The following TMOD2 variants were observed in gnomAD, a reference collection of about 807,000 sequenced individuals.
The protein encoded by TMOD2 is tropomodulin 2.
Under a neutral mutation model 39.9 loss-of-function variants are expected in TMOD2, and 22 were observed. The ratio of observed to expected loss-of-function variants is 0.55; its 90% CI spans 0.39 to 0.79. TMOD2 has a LOEUF of 0.79. Ranked by LOEUF, TMOD2 falls within the 30% of genes least tolerant of loss-of-function variation. The pLI is 0.00. For missense variants in TMOD2, 386 were observed against 413.3 expected (o/e 0.93, Z 0.57); for synonymous variants, 123 against 146.1 (o/e 0.84, Z 1.14).
rs970939722 is a variant in TMOD2, at chr15:51,808,706, C to T, written c.*252C>T. ...GACCGATGCAGATTTTAGAGAGTGA[C>T]GACATGGAAAATGAATTTAACCACT... On this transcript the variant is annotated 3_prime_UTR_variant, in exon 10 of 10. Transcript: ENST00000249700. 14 of 347,990 alleles carry T rather than the reference C, an allele frequency of 4.0e-5. No homozygotes were observed. Among genetic ancestry groups the T allele is most frequent in the South Asian group, 1.7e-4 (2 of 11,578 alleles). The allele number at this position is 347,990 out of a possible 1,614,324, so 21.6% of individuals were successfully genotyped here.
At position 51,813,749 on chromosome 15, in the gene TMOD2, A is replaced by C. The variant is rs530326113; in HGVS notation, c.*5295A>C. The C allele has an allele frequency of 6.6e-6, 1 of 152,358 alleles. No homozygotes were observed. Among genetic ancestry groups the C allele is most frequent in the Non-Finnish European group, 1.5e-5 (1 of 68,028 alleles). The allele number at this position is 152,358 out of a possible 1,614,324, so 9.4% of individuals were successfully genotyped here. On this transcript the variant is annotated 3_prime_UTR_variant, in exon 10 of 10. Transcript: ENST00000249700. Reference sequence around the variant, plus strand: ...AAGGTTCTTCAGCTATAAAATGGGAATAATACTTCACTAACTACCTCACAG... The same window carrying C: ...AAGGTTCTTCAGCTATAAAATGGGACTAATACTTCACTAACTACCTCACAG...
Position 51,815,553 on chromosome 15 carries a change from G to C in TMOD2, c.*7099G>C, listed in dbSNP as rs140534231. On this transcript the variant is annotated 3_prime_UTR_variant, in exon 10 of 10. Coordinates refer to ENST00000249700, the MANE Select transcript of TMOD2 (RefSeq NM_014548.4). ...AGGAATCGGCCATATGACGAAATGA[G>C]ATCAATAGGAAATGTGCTTTTTGAG... 3 of 152,274 alleles carry C rather than the reference G, an allele frequency of 2.0e-5. No homozygotes were observed. The highest frequency in any genetic ancestry group is 4.4e-5 in the Non-Finnish European group (3 of 68,028). The allele number at this position is 152,274 out of a possible 1,614,324, so 9.4% of individuals were successfully genotyped here.
At chr15:51,774,358 C>G (rs546392032) in intron 4 of TMOD2, among the ~76,000 whole-genome samples, 1 of 152,162 alleles carries the variant, frequency 6.6e-6, no homozygotes, top group Admixed American at 6.5e-5. Flanking sequence ...GTAAGTCTCT[C>G]GACCTGAATT....
chr15:51,770,812 T>A (rs2055848617), intron 3 of TMOD2, among the ~76,000 whole-genome samples: 1 of 151,890 alleles, frequency 6.6e-6, no homozygotes, highest in Non-Finnish European at 1.5e-5. Flanking sequence ...TCCAAAAAAA[T>A]AATAAATAAA....
At position 51,764,939 on chromosome 15, in the gene TMOD2, G is replaced by C. The variant is rs374789125; in HGVS notation, c.-69-1434G>C. Among the ~76,000 whole-genome samples the C allele has an allele frequency of 7.2e-5, 11 of 152,168 alleles. 1 individual carries two copies. The South Asian group carries it at 2.3e-3, about 31-fold the overall frequency. On this transcript the variant is annotated intron_variant, in intron 1 of 9. Coordinates refer to ENST00000249700, the MANE Select transcript of TMOD2 (RefSeq NM_014548.4). ...TTTTTACATTATGTCTAATACTTAC[G>C]GCATTATTGCTGTTTGTGTGAGAGT...
intron 9 of TMOD2, among the ~76,000 whole-genome samples, chr15:51,808,177 GA>G (rs1006869950): frequency 2.0e-5 from 3 of 152,144 alleles, no homozygotes; most frequent in Admixed American, 2.0e-4. Flanking sequence ...CTATCCCATA[GA>G]AATTCGAAGG....
chr15:51,779,576 G>A (rs1380806104), intron 5 of TMOD2, among the ~76,000 whole-genome samples: 3 of 151,940 alleles, frequency 2.0e-5, no homozygotes, highest in African/African-American at 7.3e-5. Flanking sequence ...GTAGAGACGG[G>A]ATTTCATCCT....
At chr15:51,806,240 G>T (rs1337678452) in intron 8 of TMOD2, 137 bp from the exon 9 acceptor site, 4 of 877,372 alleles carry the variant, frequency 4.6e-6, no homozygotes, top group Non-Finnish European at 5.1e-6. Flanking sequence ...CTTCTCAAGT[G>T]ACGCTGTCCC....
chr15:51,765,736 A>G (rs1408498652), intron 1 of TMOD2, among the ~76,000 whole-genome samples: 1 of 152,220 alleles, frequency 6.6e-6, no homozygotes, highest in Non-Finnish European at 1.5e-5. Flanking sequence ...AGGAAATGGG[A>G]CTAGAAATAG....
intron 7 of TMOD2, among the ~76,000 whole-genome samples, chr15:51,787,052 TGGG>T (rs901768034): frequency 4.6e-5 from 7 of 152,154 alleles, no homozygotes; most frequent in Non-Finnish European, 1.0e-4. Context: ...GGGTTGGGGT[TGGG>T]GGATTTCCCT....
rs563169388 is a variant in TMOD2, at chr15:51,808,738, T to C, written c.*284T>C. ...GAAAATGAATTTAACCACTTTCTTA[T>C]TGGGTTGTCTTGCTTTCTTACATGA... is the stretch of plus-strand genomic sequence containing the variant. On this transcript the variant is annotated 3_prime_UTR_variant, in exon 10 of 10. Coordinates refer to ENST00000249700, the MANE Select transcript of TMOD2 (RefSeq NM_014548.4). 219 of 300,992 alleles carry C rather than the reference T, an allele frequency of 7.3e-4. No homozygotes were observed. The highest frequency in any genetic ancestry group is 3.6e-3 in the African/African-American group (166 of 46,072). 18.6% of individuals were successfully genotyped at this position (300,992 alleles called of 1,614,324 possible).
intron 6 of TMOD2, 74 bp from the exon 7 acceptor site, chr15:51,782,647 G>T: frequency 8.8e-7 from 1 of 1,141,860 alleles, no homozygotes; most frequent in Non-Finnish European, 1.3e-6. Flanking sequence ...GGTATTTAAA[G>T]GTTGTGGGTT....
intron 6 of TMOD2, among the ~76,000 whole-genome samples, chr15:51,782,079 C>G (rs537792966): frequency 1.3e-5 from 2 of 152,128 alleles, no homozygotes; most frequent in East Asian, 3.9e-4. Flanking sequence ...GTCTCCTTCC[C>G]CAGTGGTCAT....
At chr15:51,792,209 A>T (rs988542340) in intron 7 of TMOD2, among the ~76,000 whole-genome samples, 1 of 152,256 alleles carries the variant, frequency 6.6e-6, no homozygotes, top group Non-Finnish European at 1.5e-5. Flanking sequence ...AAAGGATATG[A>T]ATAGACACTT....
chr15:51,757,581 C>A (rs77118490), intron 1 of TMOD2, among the ~76,000 whole-genome samples: 2,521 of 152,272 alleles, frequency 0.017, 90 homozygotes, highest in East Asian at 0.073. Context: ...CTCCTGGAAG[C>A]CTTGTTAGGC....
Position 51,776,936 on chromosome 15 carries a change from C to G in TMOD2, c.411C>G (p.Val137=). 6.2e-7 allele frequency: 1 copy of G among 1,613,566 alleles called. No homozygotes were observed. The highest frequency in any genetic ancestry group is 8.5e-7 in the Non-Finnish European group (1 of 1,179,604). Residue 137 remains valine, a synonymous_variant, in exon 5 of 10, where the codon GTC becomes GTG. Transcript: ENST00000249700. ...SDTELYDLAA[V]LGVHNLLNNP... ...TCATTTGTTGACTGTTTTTAGCTGTCCTTGGAGTACACAATTTGCTCAACA... is the reference window on the plus strand; with the variant it reads ...TCATTTGTTGACTGTTTTTAGCTGTGCTTGGAGTACACAATTTGCTCAACA...
intron 7 of TMOD2, among the ~76,000 whole-genome samples, chr15:51,791,800 C>A (rs751131253): frequency 7.2e-5 from 11 of 152,152 alleles, no homozygotes; most frequent in Non-Finnish European, 1.3e-4. Flanking sequence ...ACTGGCTAGC[C>A]ATATGCAGAA....
At chr15:51,770,024 C>G (rs1182993624) in intron 3 of TMOD2, among the ~76,000 whole-genome samples, 2 of 152,122 alleles carry the variant, frequency 1.3e-5, no homozygotes, top group Non-Finnish European at 2.9e-5. Flanking sequence ...GAGTGGAACC[C>G]TGTCTCAAAA....
chr15:51,801,229 TCTCTCTCTCACACACA>T (rs1172077185), intron 8 of TMOD2, among the ~76,000 whole-genome samples: 6 of 98,504 alleles, frequency 6.1e-5, no homozygotes, highest in African/African-American at 9.5e-5. Flanking sequence ...TCTCTCTCTC[TCTCTCTCTCACACACA>T]CACACACACA....
Sources: gnomAD v4.1 joint callset for allele counts (sites outside exome capture counted in the v4.1 genomes callset) on GRCh38, gnomAD v4.1.1 for gene constraint, MANE v1.5 for transcripts, NCBI Gene and HGNC (gene_info 2026-07-23, HGNC 2026-07-21) for gene names.